PRDM4: variants seen among roughly 807,000 people sequenced by gnomAD.
PRDM4 encodes PR/SET domain 4, also known as PR domain zinc finger protein 4.
Under a neutral mutation model 62.3 loss-of-function variants are expected in PRDM4, and 38 were observed. The observed-to-expected ratio is 0.61, with a 90% CI of 0.47 to 0.80. The LOEUF is 0.80. PRDM4 is among the 30% of genes least tolerant of loss of function. The pLI is 0.00. For synonymous variants in PRDM4, 339 were observed against 348.2 expected, an observed-to-expected ratio of 0.97 and a Z score of 0.30; for missense variants, 858 against 997.1, an observed-to-expected ratio of 0.86 and a Z score of 1.88.
intron 11 of PRDM4, chr12:107,736,455 A>G (rs1336745786): frequency 1.3e-5 from 2 of 152,340 alleles, no homozygotes; most frequent in East Asian, 3.8e-4. Context: ...GGATGTGCTT[A>G]GTATGCTCAA....
chr12:107,737,744 C>T (rs1890380704), intron 11 of PRDM4, among the ~76,000 whole-genome samples: 1 of 152,140 alleles, frequency 6.6e-6, no homozygotes, highest in Non-Finnish European at 1.5e-5. Flanking sequence ...TAACTCTGAC[C>T]AATTAAATTA....
At chr12:107,753,721 T>C (rs1029164130) in intron 4 of PRDM4, among the ~76,000 whole-genome samples, 1 of 152,234 alleles carries the variant, frequency 6.6e-6, no homozygotes, top group African/African-American at 2.4e-5. Flanking sequence ...AAATTCAGCT[T>C]AGTCAAACTG....
intron 11 of PRDM4, among the ~76,000 whole-genome samples, chr12:107,735,102 G>A (rs550721674): frequency 1.3e-5 from 2 of 152,300 alleles, no homozygotes; most frequent in Non-Finnish European, 2.9e-5. Context: ...CTGGGCTCAA[G>A]TGATCTGTCC....
chr12:107,744,539 T>C lies in PRDM4; in HGVS notation c.1395+4A>G. 6.2e-7 allele frequency: 1 copy of C among 1,612,558 alleles called. No individual in the cohort carries two copies. Among genetic ancestry groups the C allele is most frequent in the South Asian group, 1.1e-5 (1 of 91,008 alleles). On this transcript the variant is annotated splice_donor_region_variant and intron_variant, in intron 7 of 11. Transcript: ENST00000228437. ...AGCCACAGAAAAGTTTCATCAGGAC[T>C]GACCTTCCAGATATGGTTAACTGCC...
In PRDM4 at chr12:107,734,448, G is replaced by A; in HGVS notation, c.2168C>T (p.Ser723Phe). The A allele has an allele frequency of 6.2e-7, 1 of 1,614,126 alleles. No individual in the cohort carries two copies. Among genetic ancestry groups the A allele is most frequent in the Non-Finnish European group, 8.5e-7 (1 of 1,179,986 alleles). The change falls in exon 12 of 12, where the codon TCT becomes TTT. Residue 723 changes from serine to phenylalanine, a missense_variant. Around this residue, in one of 3 missense-constraint regions of PRDM4, gnomAD observed 355 missense variants for 432.6 expected, o/e 0.82. Transcript: ENST00000228437. The part of the protein sequence containing the change: ...RTNHLKKHLN[S>F]HEGKRDYVCE... ...GACATAATCCCGTTTTCCTTCATGA[G>A]AATTGAGATGCTTCTTTAAGTGATT...
intron 6 of PRDM4, among the ~76,000 whole-genome samples, chr12:107,745,143 T>G (rs768386366): frequency 6.6e-6 from 1 of 152,030 alleles, no homozygotes; most frequent in African/African-American, 2.4e-5. Context: ...CCTGTAAATA[T>G]ATAAAATGTA....
At chr12:107,748,090 G>A (rs1407819033) in intron 5 of PRDM4, among the ~76,000 whole-genome samples, 1 of 152,106 alleles carries the variant, frequency 6.6e-6, no homozygotes, top group Non-Finnish European at 1.5e-5. Flanking sequence ...GAGGTGGAAG[G>A]ATGGCTTGAA....
intron 6 of PRDM4, among the ~76,000 whole-genome samples, chr12:107,745,097 A>C (rs2136318534): frequency 7.2e-6 from 1 of 138,654 alleles, no homozygotes; most frequent in Admixed American, 7.5e-5. Context: ...ATATGCTAGC[A>C]TTCCTCAGAG....
chr12:107,761,027 G>C lies in PRDM4; in HGVS notation c.-327C>G, dbSNP rs1331868485. 1 of 151,092 alleles carries C rather than the reference G, an allele frequency of 6.6e-6. No homozygotes were observed. Among genetic ancestry groups the C allele is most frequent in the African/African-American group, 2.4e-5 (1 of 41,260 alleles). 9.4% of individuals were successfully genotyped at this position (151,092 alleles called of 1,614,324 possible). On this transcript the variant is annotated 5_prime_UTR_variant, in exon 1 of 12. Coordinates refer to ENST00000228437, the MANE Select transcript of PRDM4 (RefSeq NM_012406.4). ...TCCTCATCCGGGCAGAGTTCGCCTC[G>C]GGGCCCTGCCCGTCCGCTCGGCCCC...
chr12:107,744,120 G>GAAAA (rs1890611202), intron 7 of PRDM4, among the ~76,000 whole-genome samples: 2 of 148,966 alleles, frequency 1.3e-5, no homozygotes, highest in African/African-American at 2.5e-5. Context: ...TCTCAAGGAA[G>GAAAA]AAAAAAAAAG....
chr12:107,734,393 G>A lies in PRDM4; in HGVS notation c.2223C>T (p.Thr741=), dbSNP rs762075424. 6.2e-7 allele frequency: 1 copy of A among 1,613,986 alleles called. No individual in the cohort carries two copies. The highest frequency in any genetic ancestry group is 1.3e-5 in the African/African-American group (1 of 74,908). ...VCEKCTKAYL[T]KYHLTRHLKT... The stretch of plus-strand genomic sequence containing the variant: ...TCAGGTGGCGGGTGAGATGGTATTT[G>A]GTTAGATAAGCCTTTGTACATTTTT... The change falls in exon 12 of 12, where the codon ACC becomes ACT. Residue 741 remains threonine (T), a synonymous_variant. Coordinates refer to ENST00000228437, the MANE Select transcript of PRDM4 (RefSeq NM_012406.4).
At chr12:107,738,167 T>TGG (rs1051987277) in intron 11 of PRDM4, 3 of 152,134 alleles carry the variant, frequency 2.0e-5, no homozygotes, top group African/African-American at 7.2e-5. Flanking sequence ...ACAAAATCTG[T>TGG]GGTATTTTAT....
Position 107,761,014 on chromosome 12 carries a change from C to T in PRDM4, c.-314G>A, listed in dbSNP as rs1017703065. The stretch of plus-strand genomic sequence containing the variant: ...CCCACTGCTTTGTTCCTCATCCGGG[C>T]AGAGTTCGCCTCGGGGCCCTGCCCG... On this transcript the variant is annotated 5_prime_UTR_variant, in exon 1 of 12. Transcript: ENST00000228437. 4 of 150,976 alleles carry T rather than the reference C, an allele frequency of 2.6e-5. No homozygotes were observed. Among genetic ancestry groups the T allele is most frequent in the Non-Finnish European group, 4.4e-5 (3 of 67,690 alleles). The allele number at this position is 150,976 out of a possible 1,614,324, so 9.4% of individuals were successfully genotyped here.
At chr12:107,747,258 G>A (rs1180827308) in intron 5 of PRDM4, among the ~76,000 whole-genome samples, 2 of 152,060 alleles carry the variant, frequency 1.3e-5, no homozygotes, top group Non-Finnish European at 2.9e-5. Flanking sequence ...ATTCTGAACT[G>A]TAAGAGGAAA....
chr12:107,734,294 A>AG lies in PRDM4; in HGVS notation c.2321_2322insC (p.Leu775SerfsTer11). 1 of 1,614,172 alleles carries AG rather than the reference A, an allele frequency of 6.2e-7. No homozygotes were observed. The highest frequency in any genetic ancestry group is 1.1e-5 in the South Asian group (1 of 91,080). ...CTTCTGTCCCCACAGAGTCTGCTAGATCTTCCTCTTCTGAGTCATCCTCTT... is the reference window on the plus strand; with the variant it reads ...CTTCTGTCCCCACAGAGTCTGCTAGAGTCTTCCTCTTCTGAGTCATCCTCTT... On this transcript the variant is annotated frameshift_variant, in exon 12 of 12. Transcript: ENST00000228437. LOFTEE classifies it high-confidence loss of function.
rs752016664 is a variant in PRDM4 at position 107,760,745 on chromosome 12, G to T, written c.-230C>A. ...GGGAACACCTGGGGCCTTCCGTCCA[G>T]AAGCTTCGGGAAGGGGGCTGCCCAA... is the stretch of plus-strand genomic sequence containing the variant. On this transcript the variant is annotated 5_prime_UTR_variant, in exon 2 of 12. In the 5' UTR this introduces an upstream ATG that the reference lacks. Coordinates refer to ENST00000228437, the MANE Select transcript of PRDM4 (RefSeq NM_012406.4). 3 of 548,686 alleles carry T rather than the reference G, an allele frequency of 5.5e-6. No homozygotes were observed. Among genetic ancestry groups the T allele is most frequent in the African/African-American group, 1.9e-5 (1 of 51,392 alleles). 34.0% of individuals were successfully genotyped at this position (548,686 alleles called of 1,614,324 possible).
chr12:107,744,729 C>A (rs777055177), intron 6 of PRDM4, 68 bp from the exon 7 acceptor site: 1 of 1,577,542 alleles, frequency 6.3e-7, no homozygotes, highest in Admixed American at 1.7e-5. Flanking sequence ...GAAAGAGGTG[C>A]TTCACCCATG....
At chr12:107,755,653 G>A (rs1400726637) in intron 3 of PRDM4, among the ~76,000 whole-genome samples, 1 of 152,116 alleles carries the variant, frequency 6.6e-6, no homozygotes, top group Non-Finnish European at 1.5e-5. Context: ...CTGTGACAAA[G>A]AAAGTCCAAT....
At chr12:107,749,856 C>G (rs1311700154) in intron 5 of PRDM4, among the ~76,000 whole-genome samples, 1 of 152,146 alleles carries the variant, frequency 6.6e-6, no homozygotes, top group Non-Finnish European at 1.5e-5. Context: ...TCCTACTTCT[C>G]CTCTCACCAC....
Sources: allele counts gnomAD v4.1 joint callset (sites outside exome capture counted in the v4.1 genomes callset), GRCh38; gene constraint gnomAD v4.1.1; regional missense constraint gnomAD v4.1.1; transcripts MANE v1.5; gene names NCBI Gene and HGNC (gene_info 2026-07-23, HGNC 2026-07-21).